Variants in UTS2 observed in about 807,000 individuals in gnomAD.
The protein encoded by UTS2 is urotensin-2.
A neutral mutation model predicts 12.6 loss-of-function variants in UTS2; 10 were observed. The observed-to-expected ratio is 0.80, with a 90% CI of 0.49 to 1.35. The LOEUF (loss-of-function observed/expected upper bound fraction) is 1.35. UTS2 is among the 40% of genes most tolerant of loss of function. The pLI is 0.00. For missense variants in UTS2, 142 were observed against 143.2 expected (o/e 0.99, Z 0.04); for synonymous variants, 52 against 50.0 (o/e 1.04, Z -0.17).
At chr1:7,876,196 A>T in the UTS2 span, among the ~76,000 whole-genome samples, 1 of 152,108 alleles carries the variant, frequency 6.6e-6, no homozygotes, top group African/African-American at 2.4e-5. Context: ...GGTGCCCATG[A>T]ACATTGTCTG....
chr1:7,884,711 A>G, the UTS2 span, among the ~76,000 whole-genome samples: 1 of 151,876 alleles, frequency 6.6e-6, no homozygotes, highest in Non-Finnish European at 1.5e-5. Context: ...CCACACACTC[A>G]CTCATTATCC....
the UTS2 span, among the ~76,000 whole-genome samples, chr1:7,886,849 GA>G: frequency 1.3e-5 from 2 of 151,710 alleles, no homozygotes; most frequent in African/African-American, 2.4e-5. Flanking sequence ...TTAGCAGTTC[GA>G]GACCAGCCTG....
chr1:7,870,813 A>G, the UTS2 span, among the ~76,000 whole-genome samples: 1 of 152,252 alleles, frequency 6.6e-6, no homozygotes, highest in African/African-American at 2.4e-5. Context: ...AACATTCTCT[A>G]GCCAAAGACC....
At chr1:7,872,709 C>T in the UTS2 span, among the ~76,000 whole-genome samples, 30 of 152,222 alleles carry the variant, frequency 2.0e-4, no homozygotes, top group Non-Finnish European at 3.2e-4. Context: ...ATCTCCATAA[C>T]GTAAAAGTGC....
upstream of UTS2, among the ~76,000 whole-genome samples, chr1:7,854,487 G>T (rs1205391825): frequency 6.7e-6 from 1 of 148,174 alleles, no homozygotes; most frequent in Non-Finnish European, 1.5e-5. Flanking sequence ...ACTCCAGCCT[G>T]GGTGACAGAG....
the UTS2 span, among the ~76,000 whole-genome samples, chr1:7,894,576 G>T: frequency 1.3e-5 from 2 of 152,096 alleles, no homozygotes; most frequent in East Asian, 3.9e-4. Flanking sequence ...GTGAGCCACT[G>T]CCCAACCCCC....
chr1:7,906,457 A>G, the UTS2 span, among the ~76,000 whole-genome samples: 3 of 136,770 alleles, frequency 2.2e-5, no homozygotes, highest in African/African-American at 9.3e-5. Context: ...AAGAGAAAGA[A>G]AGAAAGAAAG....
the UTS2 span, among the ~76,000 whole-genome samples, chr1:7,870,395 G>C: frequency 1.2e-4 from 19 of 152,132 alleles, no homozygotes; most frequent in Admixed American, 6.5e-5. Context: ...CAGCCTCCAG[G>C]ACTGCAAAAA....
chr1:7,904,860 T>A, the UTS2 span, among the ~76,000 whole-genome samples: 1 of 127,522 alleles, frequency 7.8e-6, no homozygotes, highest in Non-Finnish European at 1.5e-5. Context: ...GCCTAGATCG[T>A]GCCACTGGAC....
the UTS2 span, among the ~76,000 whole-genome samples, chr1:7,894,470 G>A: frequency 6.6e-5 from 10 of 151,970 alleles, no homozygotes; most frequent in South Asian, 4.2e-4. Context: ...CACCGTGCCC[G>A]ACCTCTTCTC....
Position 7,847,753 on chromosome 1 carries a change from T to G in UTS2, c.*13A>C, listed in dbSNP as rs1558503321. On this transcript the variant is annotated 3_prime_UTR_variant, in exon 4 of 4. Coordinates refer to ENST00000361696, the MANE Select transcript of UTS2 (RefSeq NM_006786.4). The stretch of plus-strand genomic sequence containing the variant: ...GGGTGTTTCTGAGCTGACTAACAGA[T>G]GCTTATTTCACTTCAGACACAGTAT... The G allele has an allele frequency of 1.0e-5, 16 of 1,579,504 alleles. No individual in the cohort carries two copies. Among genetic ancestry groups the G allele is most frequent in the Non-Finnish European group, 1.4e-5 (16 of 1,152,088 alleles).
chr1:7,872,917 A>G, the UTS2 span, among the ~76,000 whole-genome samples: 1 of 152,198 alleles, frequency 6.6e-6, no homozygotes, highest in Non-Finnish European at 1.5e-5. Flanking sequence ...GCTTCAAAGG[A>G]CAGGCCGACT....
the UTS2 span, among the ~76,000 whole-genome samples, chr1:7,864,693 G>A: frequency 0.15 from 22,627 of 152,050 alleles, 1,875 homozygotes; most frequent in Middle Eastern, 0.26. Context: ...GCACCTTCCC[G>A]TCTCCTTTCC....
At chr1:7,908,460 CA>C in the UTS2 span, among the ~76,000 whole-genome samples, 233 of 49,632 alleles carry the variant, frequency 4.7e-3, no homozygotes, top group East Asian at 0.032. Flanking sequence ...GACTCTGTCT[CA>C]AAAAAAAAAA....
chr1:7,890,041 T>C, the UTS2 span, among the ~76,000 whole-genome samples: 1 of 149,028 alleles, frequency 6.7e-6, no homozygotes, highest in Admixed American at 6.8e-5. Flanking sequence ...CACTCCAGCG[T>C]AGACGACAGA....
At chr1:7,894,864 T>G in the UTS2 span, among the ~76,000 whole-genome samples, 3 of 151,924 alleles carry the variant, frequency 2.0e-5, no homozygotes, top group Non-Finnish European at 4.4e-5. Context: ...CCAGGAGTTC[T>G]AGGCTGCAAT....
At chr1:7,908,237 G>C in the UTS2 span, among the ~76,000 whole-genome samples, 2 of 150,476 alleles carry the variant, frequency 1.3e-5, no homozygotes, top group Non-Finnish European at 2.9e-5. Context: ...GTCAGAGATT[G>C]CAGTGAGCCA....
At chr1:7,905,481 G>A in the UTS2 span, among the ~76,000 whole-genome samples, 6 of 150,574 alleles carry the variant, frequency 4.0e-5, no homozygotes, top group East Asian at 4.1e-4. Context: ...AAGTAATTGC[G>A]GTTTTTGCCA....
At chr1:7,872,299 C>CAAAA in the UTS2 span, among the ~76,000 whole-genome samples, 63 of 65,520 alleles carry the variant, frequency 9.6e-4, no homozygotes, top group Middle Eastern at 0.014. Context: ...GACTCTGTCT[C>CAAAA]AAAAAAAAAA....
Sources: allele counts gnomAD v4.1 joint callset (sites outside exome capture counted in the v4.1 genomes callset), GRCh38; gene constraint gnomAD v4.1.1; transcripts MANE v1.5; gene names NCBI Gene and HGNC (gene_info 2026-07-23, HGNC 2026-07-21).